Variants in USO1 observed in about 807,000 individuals in gnomAD.
USO1 encodes general vesicular transport factor p115.
A neutral mutation model predicts 124.5 loss-of-function variants in USO1; 57 were observed. The observed-to-expected ratio is 0.46, with a 90% confidence interval of 0.37 to 0.57. The LOEUF (loss-of-function observed/expected upper bound fraction) is 0.57, where lower values mean the gene tolerates loss of function less well. Ranked by LOEUF, USO1 falls within the 20% of genes least tolerant of loss-of-function variation. USO1 has a pLI of 0.00. For synonymous variants in USO1, 369 were observed against 362.8 expected, an observed-to-expected ratio of 1.02 and a Z score of -0.19; for missense variants, 900 against 1,040.6, an observed-to-expected ratio of 0.86 and a Z score of 1.86.
At chr4:75,787,545 C>T (rs1370067001) in intron 10 of USO1, among the ~76,000 whole-genome samples, 3 of 152,110 alleles carry the variant, frequency 2.0e-5, no homozygotes, top group African/African-American at 7.2e-5. Flanking sequence ...CCGGCAGATT[C>T]ATTGAATAGT....
At chr4:75,808,850 AGTAGGAGGTTGTAAAT>A in intron 20 of USO1, 87 bp from the exon 21 acceptor site, 1 of 1,320,296 alleles carries the variant, frequency 7.6e-7, no homozygotes, top group Non-Finnish European at 1.0e-6. Context: ...AGATTTTAAA[AGTAGGAGGTTGTAAAT>A]CATTTTTTTA....
chr4:75,725,515 G>GCTA (rs973387141), intron 1 of USO1, among the ~76,000 whole-genome samples: 1 of 151,862 alleles, frequency 6.6e-6, no homozygotes, highest in African/African-American at 2.4e-5. Context: ...TTTGGCAAAT[G>GCTA]CTACCTTGAA....
chr4:75,799,705 T>G lies in USO1; in HGVS notation c.1536T>G (p.Phe512Leu). The G allele has an allele frequency of 6.2e-7, 1 of 1,613,830 alleles. No homozygotes were observed. ...ATTGTCCCATTGCAGTAACGCATTT[T>G]CTTCACAATTCAGCCAATGTTCCAT... ...LSNCPIAVTH[F>L]LHNSANVPFL... The change falls in exon 14 of 24, where the codon TTT becomes TTG. Residue 512 changes from phenylalanine to leucine, a missense_variant. Phe to Leu is a conservative substitution (Grantham distance 22, BLOSUM62 0). Around this residue, in one of 2 missense-constraint regions of USO1, gnomAD observed 538 missense variants for 681.6 expected, o/e 0.79. Coordinates refer to ENST00000514213, the MANE Select transcript of USO1 (RefSeq NM_003715.4).
At chr4:75,798,333 T>G (rs755348707) in intron 13 of USO1, among the ~76,000 whole-genome samples, 1 of 152,232 alleles carries the variant, frequency 6.6e-6, no homozygotes, top group Non-Finnish European at 1.5e-5. Context: ...TGCTAAGTAA[T>G]AATGAACTTA....
Position 75,782,869 on chromosome 4 carries a change from C to T in USO1, c.855+11C>T. The T allele has an allele frequency of 6.4e-7, 1 of 1,555,014 alleles. No individual in the cohort carries two copies. Among genetic ancestry groups the T allele is most frequent in the Non-Finnish European group, 8.6e-7 (1 of 1,161,586 alleles). ...CATCTAATGCTACAGGTATACTATC[C>T]TTAGACATAAATGTGGTAAGAATTT... is the stretch of plus-strand genomic sequence containing the variant. On this transcript the variant is annotated intron_variant, in intron 9 of 23. Transcript: ENST00000514213.
intron 1 of USO1, among the ~76,000 whole-genome samples, chr4:75,751,704 G>A (rs1040545314): frequency 6.6e-6 from 1 of 151,420 alleles, no homozygotes; most frequent in Non-Finnish European, 1.5e-5. Flanking sequence ...GGTGGCAGGT[G>A]CCTGTAATCC....
intron 22 of USO1, among the ~76,000 whole-genome samples, 191 bp from the exon 23 acceptor site, chr4:75,811,969 C>T (rs954073116): frequency 6.6e-6 from 1 of 152,040 alleles, no homozygotes; most frequent in African/African-American, 2.4e-5. Context: ...TGGCAATAAC[C>T]ATTTTTGATG....
At chr4:75,760,937 G>A (rs988945113) in intron 4 of USO1, among the ~76,000 whole-genome samples, 4 of 152,130 alleles carry the variant, frequency 2.6e-5, no homozygotes, top group East Asian at 3.9e-4. Flanking sequence ...ACTTGAGGTC[G>A]GGAGTTCAAG....
At chr4:75,810,717 GT>G (rs1466172411) in intron 22 of USO1, among the ~76,000 whole-genome samples, 178 bp downstream of exon 22, 1 of 151,834 alleles carries the variant, frequency 6.6e-6, no homozygotes, top group Non-Finnish European at 1.5e-5. Flanking sequence ...AATTTTTTTT[GT>G]TTTGGGTTTT....
At chr4:75,780,678 C>T (rs1722197334) in intron 8 of USO1, among the ~76,000 whole-genome samples, 1 of 110,164 alleles carries the variant, frequency 9.1e-6, no homozygotes, top group African/African-American at 3.6e-5. Context: ...GATGGAGTCT[C>T]ACTCTGTCCC....
intron 4 of USO1, 64 bp downstream of exon 4, chr4:75,757,637 T>G: frequency 1.5e-5 from 20 of 1,320,398 alleles, no homozygotes; most frequent in Non-Finnish European, 1.9e-5. Context: ...GTGCTAATTT[T>G]GCTGGTTTTA....
Position 75,724,659 on chromosome 4 carries a change from C to T in USO1, c.-161C>T, listed in dbSNP as rs1720332210. 1.4e-5 allele frequency: 9 copies of T among 654,638 alleles called. No individual in the cohort carries two copies. The South Asian group carries it at 1.8e-4, about 13-fold the overall frequency. 40.6% of individuals were successfully genotyped at this position (654,638 alleles called of 1,614,324 possible). On this transcript the variant is annotated 5_prime_UTR_variant, in exon 1 of 24. Transcript: ENST00000514213. ...TCTTGGCCGCTGCTGGCGGCTGTTT[C>T]CGGGCTTAGAGGGCTGGAGTGGCCG...
intron 8 of USO1, among the ~76,000 whole-genome samples, chr4:75,781,175 A>G (rs1722211992): frequency 6.6e-6 from 1 of 152,114 alleles, no homozygotes; most frequent in Non-Finnish European, 1.5e-5. Context: ...GATGACTTGG[A>G]GGGGTTCAAG....
intron 4 of USO1, among the ~76,000 whole-genome samples, chr4:75,766,491 G>A (rs779557756): frequency 4.6e-5 from 7 of 152,288 alleles, no homozygotes; most frequent in Non-Finnish European, 7.4e-5. Context: ...GTGCTACTGC[G>A]TCTAGTGGGT....
At chr4:75,793,006 C>T (rs1300391714) in intron 12 of USO1, among the ~76,000 whole-genome samples, 3 of 152,026 alleles carry the variant, frequency 2.0e-5, no homozygotes, top group East Asian at 1.9e-4. Context: ...AAATGTTAGT[C>T]TTTACATACC....
At chr4:75,789,313 T>C (rs1722462317) in intron 10 of USO1, among the ~76,000 whole-genome samples, 1 of 152,164 alleles carries the variant, frequency 6.6e-6, no homozygotes, top group African/African-American at 2.4e-5. Flanking sequence ...AGTCTTGCTC[T>C]ATTTCCCAGG....
intron 1 of USO1, among the ~76,000 whole-genome samples, chr4:75,740,539 G>T (rs569080515): frequency 6.6e-6 from 1 of 152,104 alleles, no homozygotes; most frequent in African/African-American, 2.4e-5. Context: ...CCTCCTTTTC[G>T]GCCTCCCAGA....
intron 1 of USO1, among the ~76,000 whole-genome samples, chr4:75,748,986 A>G (rs958534440): frequency 2.0e-4 from 31 of 151,858 alleles, no homozygotes; most frequent in Admixed American, 1.8e-3. Context: ...ATATATGTAT[A>G]TATTAGGAAA....
At position 75,770,895 on chromosome 4, in the gene USO1, T is replaced by G. The variant is rs1721908693; in HGVS notation, c.470T>G (p.Val157Gly). 1 of 1,613,722 alleles carries G rather than the reference T, an allele frequency of 6.2e-7. No homozygotes were observed. The highest frequency in any genetic ancestry group is 8.5e-7 in the Non-Finnish European group (1 of 1,179,798). The change falls in exon 6 of 24, where the codon GTG (valine) becomes GGG (glycine). Residue 157 changes from valine to glycine, a missense_variant. Physicochemically the swap from Val to Gly is moderately radical, Grantham distance 109. Coordinates refer to ENST00000514213, the MANE Select transcript of USO1 (RefSeq NM_003715.4). Reference sequence around the variant, plus strand: ...CTTTTAAAACAACTAGGGCCTCAGGTGCAACAAATTATTTTAGTCAGTCCT... The same window carrying G: ...CTTTTAAAACAACTAGGGCCTCAGGGGCAACAAATTATTTTAGTCAGTCCT... ...TSLLKQLGPQ[V>G]QQIILVSPMG...
Sources: gnomAD v4.1 joint callset for allele counts (sites outside exome capture counted in the v4.1 genomes callset) on GRCh38, gnomAD v4.1.1 for gene constraint, gnomAD v4.1.1 regional missense constraint, MANE v1.5 for transcripts, NCBI Gene and HGNC (gene_info 2026-07-23, HGNC 2026-07-21) for gene names.